The following MBD5 variants were observed in gnomAD, a reference collection of about 807,000 sequenced individuals.
MBD5 encodes the protein methyl-CpG binding domain protein 5.
A neutral mutation model predicts 117.3 loss-of-function variants in MBD5; 13 were observed. That is an observed-to-expected ratio of 0.11 (90% CI 0.07 to 0.18). The LOEUF (loss-of-function observed/expected upper bound fraction) is 0.18, where lower values mean the gene tolerates loss of function less well. MBD5 is among the 10% of genes least tolerant of loss of function. MBD5 has a pLI of 1.00. For missense variants in MBD5, 1,879 were observed against 2,093.8 expected, an observed-to-expected ratio of 0.90 and a Z score of 2.00; for synonymous variants, 727 against 766.4, an observed-to-expected ratio of 0.95 and a Z score of 0.85.
At chr2:148,457,130 C>T (rs1706910030) in intron 4 of MBD5, among the ~76,000 whole-genome samples, 1 of 152,122 alleles carries the variant, frequency 6.6e-6, no homozygotes, top group Admixed American at 6.6e-5. Context: ...CAATTTAATA[C>T]TTTCATAAGA....
At chr2:148,149,411 T>C (rs1697574574) in intron 1 of MBD5, among the ~76,000 whole-genome samples, 1 of 144,004 alleles carries the variant, frequency 6.9e-6, no homozygotes, top group African/African-American at 2.6e-5. Flanking sequence ...CATGTGCATG[T>C]GTCTTTATAG....
At chr2:148,388,556 G>A (rs1704451045) in intron 4 of MBD5, among the ~76,000 whole-genome samples, 1 of 152,016 alleles carries the variant, frequency 6.6e-6, no homozygotes, top group Non-Finnish European at 1.5e-5. Flanking sequence ...ATTTTCTAGG[G>A]CTGCCTAAGA....
chr2:148,224,629 A>G (rs1574157311), intron 2 of MBD5, among the ~76,000 whole-genome samples: 1 of 146,614 alleles, frequency 6.8e-6, no homozygotes, highest in Non-Finnish European at 1.5e-5. Context: ...CCAAAGTGCT[A>G]GGATTACAGG....
At chr2:148,207,871 G>C (rs1327057697) in intron 2 of MBD5, among the ~76,000 whole-genome samples, 1 of 152,138 alleles carries the variant, frequency 6.6e-6, no homozygotes, top group Non-Finnish European at 1.5e-5. Flanking sequence ...ATAACTTTCA[G>C]TTAAGCCCTA....
intron 1 of MBD5, among the ~76,000 whole-genome samples, chr2:148,058,139 G>T (rs904835908): frequency 1.3e-5 from 2 of 151,922 alleles, no homozygotes; most frequent in African/African-American, 2.4e-5. Flanking sequence ...TTTGGGGTCT[G>T]CATTTTCTTT....
At chr2:148,384,062 G>T (rs889443759) in intron 4 of MBD5, among the ~76,000 whole-genome samples, 5 of 152,062 alleles carry the variant, frequency 3.3e-5, no homozygotes, top group African/African-American at 1.2e-4. Context: ...AGACAGGGAT[G>T]CCCTCTCTCA....
intron 1 of MBD5, among the ~76,000 whole-genome samples, chr2:148,129,954 A>G (rs1696995078): frequency 6.6e-6 from 1 of 152,210 alleles, no homozygotes; most frequent in South Asian, 2.1e-4. Flanking sequence ...CATCATCAAA[A>G]TGTTTGAATT....
At chr2:148,489,268 A>G (rs992220789) in intron 10 of MBD5, 118 bp from the exon 11 acceptor site, 1,745 of 764,532 alleles carry the variant, frequency 2.3e-3, no homozygotes, top group Non-Finnish European at 3.5e-3. Flanking sequence ...TGTTCTTTAT[A>G]TTTCCTTCCT....
intron 1 of MBD5, among the ~76,000 whole-genome samples, chr2:148,039,109 G>T (rs750643926): frequency 5.9e-5 from 9 of 151,996 alleles, no homozygotes; most frequent in Non-Finnish European, 1.0e-4. Flanking sequence ...TACAACCTTA[G>T]ATCTGTCATC....
intron 4 of MBD5, among the ~76,000 whole-genome samples, chr2:148,363,597 G>A (rs1481030212): frequency 6.6e-6 from 1 of 152,070 alleles, no homozygotes; most frequent in Non-Finnish European, 1.5e-5. Context: ...GAAAAGACCT[G>A]TTCTGCAGCC....
At chr2:148,510,457 T>A (rs1273765997) in intron 13 of MBD5, among the ~76,000 whole-genome samples, 4 of 152,222 alleles carry the variant, frequency 2.6e-5, no homozygotes, top group African/African-American at 9.6e-5. Context: ...CCATTACTGT[T>A]GCTTATATAT....
Position 148,040,779 on chromosome 2 carries a change from A to G in MBD5, c.-925+19095A>G, listed in dbSNP as rs1031219599. ...GCGTTTTTCTCCTAGGTCTGGAATA[A>G]CTATTCTTGGCCCTGTGGGTGCACA... On this transcript the variant is annotated intron_variant, in intron 1 of 13. Coordinates refer to ENST00000642680, the MANE Select transcript of MBD5 (RefSeq NM_001378120.1). Among the ~76,000 whole-genome samples, 4 of 152,140 alleles carry G rather than the reference A, an allele frequency of 2.6e-5. No homozygotes were observed. The South Asian group carries it at 6.2e-4, about 24-fold the overall frequency.
Position 148,483,550 on chromosome 2 carries a change from C to A in MBD5, c.2959C>A (p.Gln987Lys). Residue 987 changes from glutamine (Q) to lysine (K), a missense_variant, in exon 9 of 14, where the codon CAG becomes AAG. By Grantham distance (53) the Gln-to-Lys change is moderately conservative. Coordinates refer to ENST00000642680, the MANE Select transcript of MBD5 (RefSeq NM_001378120.1). The part of the protein sequence containing the change: ...DGQVLQPVHF[Q>K]LLAALLQNQA... The stretch of plus-strand genomic sequence containing the variant: ...GCAGGTATTGCAGCCTGTTCACTTT[C>A]AGCTCTTAGCAGCCTTGCTTCAGAA... The A allele has an allele frequency of 6.3e-7, 1 of 1,579,508 alleles. No individual in the cohort carries two copies. Among genetic ancestry groups the A allele is most frequent in the Admixed American group, 1.9e-5 (1 of 53,284 alleles).
At chr2:148,114,504 T>G (rs1011545708) in intron 1 of MBD5, among the ~76,000 whole-genome samples, 17 of 152,168 alleles carry the variant, frequency 1.1e-4, no homozygotes, top group Non-Finnish European at 2.2e-4. Flanking sequence ...TTTAAAATTT[T>G]TCATCCATAT....
chr2:148,427,970 A>G (rs1007683303), intron 4 of MBD5, among the ~76,000 whole-genome samples: 21 of 152,162 alleles, frequency 1.4e-4, no homozygotes, highest in African/African-American at 5.1e-4. Context: ...TTCCTATTCA[A>G]CATAGTATTG....
At chr2:148,246,184 A>G (rs1361218264) in intron 3 of MBD5, among the ~76,000 whole-genome samples, 1 of 152,216 alleles carries the variant, frequency 6.6e-6, no homozygotes, top group African/African-American at 2.4e-5. Context: ...ATAAAGGAAT[A>G]TACTCTAAAA....
intron 4 of MBD5, among the ~76,000 whole-genome samples, chr2:148,386,511 G>T (rs1359216342): frequency 1.3e-5 from 2 of 151,808 alleles, no homozygotes; most frequent in East Asian, 3.9e-4. Flanking sequence ...GAGGTCAGGA[G>T]ATCGAGACCA....
intron 3 of MBD5, among the ~76,000 whole-genome samples, chr2:148,282,545 AT>A (rs1701272332): frequency 5.0e-5 from 4 of 80,376 alleles, no homozygotes; most frequent in Admixed American, 1.6e-4. Context: ...TTAAAAAAAT[AT>A]GTATATATAT....
intron 4 of MBD5, among the ~76,000 whole-genome samples, chr2:148,454,384 A>G (rs926299757): frequency 1.3e-5 from 2 of 152,178 alleles, no homozygotes; most frequent in Non-Finnish European, 2.9e-5. Flanking sequence ...AAATTCATGA[A>G]TTGGAATCCT....
Sources: gnomAD v4.1 joint callset for allele counts (sites outside exome capture counted in the v4.1 genomes callset) on GRCh38, gnomAD v4.1.1 for gene constraint, MANE v1.5 for transcripts, NCBI Gene and HGNC (gene_info 2026-07-23, HGNC 2026-07-21) for gene names.